PTPRD: variants seen among roughly 807,000 people sequenced by gnomAD.
PTPRD encodes the protein protein tyrosine phosphatase receptor type D.
A neutral mutation model predicts 214.5 loss-of-function variants in PTPRD; 34 were observed. The observed-to-expected ratio is 0.16, with a 90% CI of 0.12 to 0.21. The LOEUF (loss-of-function observed/expected upper bound fraction) is 0.21, where lower values mean the gene tolerates loss of function less well. Ranked by LOEUF, PTPRD falls within the 10% of genes least tolerant of loss-of-function variation. PTPRD has a pLI of 1.00. For missense variants in PTPRD, 2,545 were observed against 2,398.7 expected (o/e 1.06, Z -1.27); for synonymous variants, 1,128 against 845.7 (o/e 1.33, Z -5.79).
intron 11 of PTPRD, among the ~76,000 whole-genome samples, chr9:8,791,214 AT>A (rs922997187): frequency 1.9e-4 from 28 of 149,984 alleles, no homozygotes; most frequent in South Asian, 8.5e-4. Context: ...GGAGAAGACA[AT>A]TTTTTTTTTC....
intron 3 of PTPRD, among the ~76,000 whole-genome samples, chr9:10,159,882 T>G (rs1401794083): frequency 6.6e-6 from 1 of 151,916 alleles, no homozygotes; most frequent in Non-Finnish European, 1.5e-5. Flanking sequence ...ACAGGCAGAA[T>G]CCGAGAATTA....
At chr9:9,945,239 T>C (rs959299733) in intron 4 of PTPRD, among the ~76,000 whole-genome samples, 1 of 151,950 alleles carries the variant, frequency 6.6e-6, no homozygotes, top group African/African-American at 2.4e-5. Context: ...ATAAAACTAA[T>C]AGGGAGGTAA....
chr9:8,451,379 G>T (rs1158888083), intron 33 of PTPRD, among the ~76,000 whole-genome samples: 2 of 152,062 alleles, frequency 1.3e-5, no homozygotes, highest in African/African-American at 4.8e-5. Flanking sequence ...GCAGTATTCT[G>T]CGACCTGCCA....
intron 9 of PTPRD, among the ~76,000 whole-genome samples, chr9:9,369,305 C>T (rs1412932435): frequency 6.6e-6 from 1 of 152,140 alleles, no homozygotes; most frequent in Non-Finnish European, 1.5e-5. Context: ...ACCATTCTAA[C>T]TGGTGTGAGA....
At chr9:8,470,885 T>A (rs986699733) in intron 31 of PTPRD, 110 bp downstream of exon 31, 1 of 895,862 alleles carries the variant, frequency 1.1e-6, no homozygotes, top group African/African-American at 1.6e-5. Flanking sequence ...CAGCTAGGTA[T>A]GGAGAAGCCA....
intron 8 of PTPRD, among the ~76,000 whole-genome samples, chr9:9,463,845 A>C (rs907322919): frequency 6.6e-6 from 1 of 152,074 alleles, no homozygotes; most frequent in African/African-American, 2.4e-5. Flanking sequence ...GTCTTATCTG[A>C]GTTCCTTTCT....
intron 3 of PTPRD, among the ~76,000 whole-genome samples, chr9:10,267,319 G>C (rs1233137548): frequency 6.6e-6 from 1 of 152,136 alleles, no homozygotes; most frequent in African/African-American, 2.4e-5. Flanking sequence ...TAGGCACTTA[G>C]TATCTCAGGA....
chr9:8,888,880 G>T (rs969179104), intron 11 of PTPRD, among the ~76,000 whole-genome samples: 1 of 152,174 alleles, frequency 6.6e-6, no homozygotes, highest in Non-Finnish European at 1.5e-5. Context: ...TAACTTGAAG[G>T]CCCAGAGCAG....
At chr9:10,509,470 C>CTATCT (rs1555449734) in intron 2 of PTPRD, among the ~76,000 whole-genome samples, 44 of 138,120 alleles carry the variant, frequency 3.2e-4, no homozygotes, top group Non-Finnish European at 5.6e-4. Context: ...TTGATTGATC[C>CTATCT]ATCTATCTAT....
chr9:8,317,979 G>A (rs1224909451), intron 45 of PTPRD, 37 bp from the exon 46 acceptor site: 2 of 1,564,496 alleles, frequency 1.3e-6, no homozygotes, highest in Non-Finnish European at 1.8e-6. Flanking sequence ...GCAAAAGAAG[G>A]GACCATGAGC....
At chr9:9,538,809 T>G (rs1273562551) in intron 8 of PTPRD, among the ~76,000 whole-genome samples, 1 of 151,954 alleles carries the variant, frequency 6.6e-6, no homozygotes. Context: ...AGGAGTCAAG[T>G]AGAACTGAAC....
At chr9:8,607,566 C>T (rs557490814) in intron 14 of PTPRD, among the ~76,000 whole-genome samples, 1 of 152,078 alleles carries the variant, frequency 6.6e-6, no homozygotes, top group African/African-American at 2.4e-5. Flanking sequence ...TTGCTTGAGC[C>T]CGGGAGGGAG....
intron 11 of PTPRD, among the ~76,000 whole-genome samples, chr9:8,974,059 C>T (rs1441263432): frequency 6.6e-6 from 1 of 151,830 alleles, no homozygotes; most frequent in African/African-American, 2.4e-5. Flanking sequence ...GCTTTAGGTC[C>T]CATTTGCCAA....
chr9:9,550,998 A>G (rs2080081529), intron 8 of PTPRD, among the ~76,000 whole-genome samples: 1 of 151,996 alleles, frequency 6.6e-6, no homozygotes, highest in South Asian at 2.1e-4. Flanking sequence ...GTAGGAATAT[A>G]AGTTCCTAGA....
intron 39 of PTPRD, among the ~76,000 whole-genome samples, chr9:8,343,076 A>C (rs1373738670): frequency 6.6e-6 from 1 of 152,078 alleles, no homozygotes; most frequent in Non-Finnish European, 1.5e-5. Flanking sequence ...GTTAATGCTC[A>C]CCAGGGTGCC....
intron 12 of PTPRD, among the ~76,000 whole-genome samples, chr9:8,656,933 C>A (rs1254358335): frequency 1.3e-5 from 2 of 152,208 alleles, no homozygotes; most frequent in Admixed American, 6.5e-5. Context: ...CTTTACATCA[C>A]AGAAATTATC....
chr9:8,381,898 G>A (rs1300539733), intron 37 of PTPRD, among the ~76,000 whole-genome samples: 3 of 152,186 alleles, frequency 2.0e-5, no homozygotes, highest in East Asian at 3.9e-4. Context: ...CCTAACCAGA[G>A]CAGAACTGTG....
chr9:8,955,360 T>A (rs1037452408), intron 11 of PTPRD, among the ~76,000 whole-genome samples: 3 of 151,778 alleles, frequency 2.0e-5, no homozygotes, highest in African/African-American at 7.2e-5. Context: ...ATAGAGATAG[T>A]CCTACTCAGA....
chr9:8,422,006 T>C (rs2094397088), intron 35 of PTPRD, among the ~76,000 whole-genome samples: 1 of 150,588 alleles, frequency 6.6e-6, no homozygotes, highest in Non-Finnish European at 1.5e-5. Flanking sequence ...AGTTAGCCAG[T>C]GGGGTGGTGT....
Sources: allele counts gnomAD v4.1 joint callset (sites outside exome capture counted in the v4.1 genomes callset), GRCh38; gene constraint gnomAD v4.1.1; transcripts MANE v1.5; gene names NCBI Gene and HGNC (gene_info 2026-07-23, HGNC 2026-07-21).